Variants in RYR2 observed in about 807,000 individuals in gnomAD.
RYR2 encodes the protein ryanodine receptor 2.
In RYR2, 227 loss-of-function variants were observed where a neutral mutation model predicts 601.1. That is an observed-to-expected ratio of 0.38 (90% CI 0.34 to 0.42). The LOEUF is 0.42. Among genes scored for constraint, RYR2 ranks in the 10% least tolerant of loss-of-function variants. The pLI is 1.00. For missense variants in RYR2, 4,646 were observed against 6,156.5 expected (o/e 0.75, Z 8.21); for synonymous variants, 2,223 against 2,175.1 (o/e 1.02, Z -0.61).
intron 24 of RYR2, among the ~76,000 whole-genome samples, chr1:237,517,053 A>G (rs1381819163): frequency 1.3e-5 from 2 of 152,170 alleles, no homozygotes; most frequent in East Asian, 3.9e-4. Context: ...AAGTGTGTGC[A>G]TGGCCCAGAC....
intron 1 of RYR2, among the ~76,000 whole-genome samples, chr1:237,134,492 G>T (rs1672540463): frequency 6.6e-6 from 1 of 152,050 alleles, no homozygotes. Flanking sequence ...AAAATCATCA[G>T]ATCTCATGAA....
chr1:237,651,812 C>T (rs141708048), intron 51 of RYR2, among the ~76,000 whole-genome samples: 1,931 of 152,042 alleles, frequency 0.013, 32 homozygotes, highest in African/African-American at 0.043. Flanking sequence ...CCAAGGTGGG[C>T]GGATCACGAG....
At position 237,569,322 on chromosome 1, in the gene RYR2, A is replaced by G; in HGVS notation, c.3598+3A>G. ...CAAGGACTTTGATGTTGGCGATGGT[A>G]AGTCTACTATGTTTTGTGTTTTTTT... is the stretch of plus-strand genomic sequence containing the variant. On this transcript the variant is annotated splice_donor_region_variant and intron_variant, in intron 29 of 104. Coordinates refer to ENST00000366574, the MANE Select transcript of RYR2 (RefSeq NM_001035.3). 2 of 1,613,068 alleles carry G rather than the reference A, an allele frequency of 1.2e-6. No individual in the cohort carries two copies. Among genetic ancestry groups the G allele is most frequent in the South Asian group, 2.2e-5 (2 of 90,920 alleles).
Position 237,789,453 on chromosome 1 carries a change from T to A in RYR2, c.13476+1318T>A, listed in dbSNP as rs540451088. 3.8e-3 allele frequency among the ~76,000 whole-genome samples: 349 copies of A among 90,868 alleles called. 2 individuals are homozygous for A. The highest frequency in any genetic ancestry group is 9.4e-3 in the African/African-American group (315 of 33,424). 59.6% of individuals were successfully genotyped at this position (90,868 alleles called of 152,430 possible). A position where few individuals can be genotyped will look rare whatever the true frequency, so the allele number is the denominator to read the frequency against. ...ACAGAGTTCACTGAACAGAAATGTT[T>A]CCTAGATAACTAACTCTGAATAATT... On this transcript the variant is annotated intron_variant, in intron 92 of 104. Transcript: ENST00000366574.
intron 24 of RYR2, among the ~76,000 whole-genome samples, chr1:237,527,390 T>G (rs1667700824): frequency 6.6e-6 from 1 of 152,220 alleles, no homozygotes; most frequent in Non-Finnish European, 1.5e-5. Context: ...GTGTTGGCAC[T>G]ATGCCCCAGC....
chr1:237,208,986 G>GTATATATATATATATATATA (rs1325820873), intron 1 of RYR2, among the ~76,000 whole-genome samples: 1 of 86,392 alleles, frequency 1.2e-5, no homozygotes, highest in Non-Finnish European at 2.2e-5. Flanking sequence ...ATATATATAT[G>GTATATATATATATATATATA]TATACTGTAA....
At chr1:237,570,822 A>G (rs1038132747) in intron 29 of RYR2, among the ~76,000 whole-genome samples, 2 of 152,170 alleles carry the variant, frequency 1.3e-5, no homozygotes, top group African/African-American at 4.8e-5. Context: ...AGTATCTGAT[A>G]CAAATTATAT....
intron 41 of RYR2, among the ~76,000 whole-genome samples, chr1:237,630,014 C>T (rs1680086144): frequency 6.6e-6 from 1 of 152,018 alleles, no homozygotes; most frequent in Non-Finnish European, 1.5e-5. Context: ...TTAAATCTAA[C>T]CCGAGGAAGC....
At chr1:237,144,015 G>T (rs1342502326) in intron 1 of RYR2, among the ~76,000 whole-genome samples, 1 of 152,068 alleles carries the variant, frequency 6.6e-6, no homozygotes, top group African/African-American at 2.4e-5. Context: ...TGTAGTCCCA[G>T]CTACTCAGGA....
intron 80 of RYR2, among the ~76,000 whole-genome samples, chr1:237,749,018 A>T (rs1692320578): frequency 6.6e-6 from 1 of 152,196 alleles, no homozygotes; most frequent in African/African-American, 2.4e-5. Context: ...ATAACATTTT[A>T]TATAAGGGAC....
chr1:237,518,795 C>T (rs541407530), intron 24 of RYR2, among the ~76,000 whole-genome samples: 16 of 152,254 alleles, frequency 1.1e-4, no homozygotes, highest in South Asian at 2.1e-4. Context: ...ATTACTGGAT[C>T]GAATGGTAGT....
intron 65 of RYR2, among the ~76,000 whole-genome samples, chr1:237,701,731 T>G (rs577860747): frequency 6.6e-6 from 1 of 151,860 alleles, no homozygotes; most frequent in Non-Finnish European, 1.5e-5. Flanking sequence ...TCTATGTCCA[T>G]GTGTACACAT....
intron 80 of RYR2, among the ~76,000 whole-genome samples, chr1:237,747,443 T>C (rs1227022287): frequency 6.6e-6 from 1 of 152,212 alleles, no homozygotes; most frequent in East Asian, 1.9e-4. Flanking sequence ...TCATACCTGC[T>C]AACATACTCA....
chr1:237,659,082 A>C (rs1683522221), intron 54 of RYR2, among the ~76,000 whole-genome samples: 1 of 152,334 alleles, frequency 6.6e-6, no homozygotes, highest in South Asian at 2.1e-4. Flanking sequence ...CGAAATGAAA[A>C]TCAGACACCA....
intron 1 of RYR2, among the ~76,000 whole-genome samples, chr1:237,105,639 C>T (rs1280095503): frequency 6.6e-6 from 1 of 152,044 alleles, no homozygotes; most frequent in Non-Finnish European, 1.5e-5. Flanking sequence ...CGAGACCAGC[C>T]TGGTCAACAT....
At position 237,726,382 on chromosome 1, in the gene RYR2, T is replaced by C. The variant is rs144042152; in HGVS notation, c.10725+74T>C. 710 of 920,956 alleles carry C rather than the reference T, an allele frequency of 7.7e-4. 7 individuals are homozygous for C. The African/African-American group carries it at 0.01, about 13-fold the overall frequency. 57.0% of individuals were successfully genotyped at this position (920,956 alleles called of 1,614,324 possible). A position where few individuals can be genotyped will look rare whatever the true frequency, so the allele number is the denominator to read the frequency against. On this transcript the variant is annotated intron_variant, in intron 75 of 104. Coordinates refer to ENST00000366574, the MANE Select transcript of RYR2 (RefSeq NM_001035.3). ...ATATGTTGGGATTTTTTCTTTCTAA[T>C]ACAATTAATCTCTTTCTTCTCTTAG...
intron 1 of RYR2, among the ~76,000 whole-genome samples, chr1:237,268,242 G>A (rs1689263198): frequency 6.6e-6 from 1 of 152,188 alleles, no homozygotes; most frequent in Non-Finnish European, 1.5e-5. Context: ...CAAGAGTGTA[G>A]TTTGCATGTT....
intron 6 of RYR2, among the ~76,000 whole-genome samples, chr1:237,370,177 A>G (rs1006134735): frequency 7.2e-5 from 11 of 151,830 alleles, no homozygotes; most frequent in Non-Finnish European, 1.6e-4. Flanking sequence ...TATATATTTT[A>G]TAAATACTTT....
At chr1:237,584,741 G>T (rs977659107) in intron 29 of RYR2, among the ~76,000 whole-genome samples, 10 of 137,512 alleles carry the variant, frequency 7.3e-5, no homozygotes, top group African/African-American at 2.7e-4. Context: ...GTTCATTGCA[G>T]TCTTCAACTC....
Sources: gnomAD v4.1 joint callset for allele counts (sites outside exome capture counted in the v4.1 genomes callset) on GRCh38, gnomAD v4.1.1 for gene constraint, MANE v1.5 for transcripts, NCBI Gene and HGNC (gene_info 2026-07-23, HGNC 2026-07-21) for gene names.